The following ITGA1 variants were observed in gnomAD, a reference collection of about 807,000 sequenced individuals.
ITGA1 encodes integrin subunit alpha 1.
ITGA1 carries 85 observed loss-of-function variants against 145.9 expected under a neutral mutation model. The observed-to-expected ratio is 0.58, with a 90% CI of 0.49 to 0.70. The LOEUF is 0.70. Among genes scored for constraint, ITGA1 ranks in the 30% least tolerant of loss-of-function variants. ITGA1 has a pLI of 0.00. For synonymous variants in ITGA1, 520 were observed against 495.3 expected, an observed-to-expected ratio of 1.05 and a Z score of -0.66; for missense variants, 1,351 against 1,418.7, an observed-to-expected ratio of 0.95 and a Z score of 0.77.
chr5:52,882,057 T>A, intron 7 of ITGA1, 36 bp downstream of exon 7: 3 of 1,491,280 alleles, frequency 2.0e-6, no homozygotes, highest in Non-Finnish European at 2.7e-6. Flanking sequence ...AGTAAAAGAC[T>A]GCAAAAATAA....
intron 6 of ITGA1, among the ~76,000 whole-genome samples, chr5:52,880,622 G>A (rs1006103034): frequency 6.6e-6 from 1 of 152,178 alleles, no homozygotes; most frequent in Non-Finnish European, 1.5e-5. Flanking sequence ...AATAAGGTTA[G>A]ACTAAGAAAT....
rs1751298622 is a variant in ITGA1 at position 52,956,051 on chromosome 5, A to C, written c.*3600A>C. 1 of 151,984 alleles carries C rather than the reference A, an allele frequency of 6.6e-6. No individual in the cohort carries two copies. Among genetic ancestry groups the C allele is most frequent in the African/African-American group, 2.4e-5 (1 of 41,352 alleles). The allele number at this position is 151,984 out of a possible 1,614,324, so 9.4% of individuals were successfully genotyped here. Reference sequence around the variant, plus strand: ...CTAGGCTCAATTGGAAAATGGAAATATTTGCACCAAAAGAAAAAAGTGCCA... The same window carrying C: ...CTAGGCTCAATTGGAAAATGGAAATCTTTGCACCAAAAGAAAAAAGTGCCA... On this transcript the variant is annotated 3_prime_UTR_variant, in exon 29 of 29. Transcript: ENST00000282588.
chr5:52,945,290 C>T (rs556441445), intron 27 of ITGA1, among the ~76,000 whole-genome samples: 15 of 152,086 alleles, frequency 9.9e-5, no homozygotes, highest in African/African-American at 1.9e-4. Flanking sequence ...ATAACTATCA[C>T]GGTAAATGGA....
In ITGA1 at chr5:52,793,201, C is replaced by T. The variant is rs576324214; in HGVS notation, c.61+4787C>T. Among the ~76,000 whole-genome samples the T allele has an allele frequency of 3.9e-5, 6 of 152,178 alleles. No individual in the cohort carries two copies. In the South Asian group the frequency reaches 1.2e-3, roughly 32 times the overall value. Reference sequence around the variant, plus strand: ...ACTATCTAATTGCCTGTCTTTCCAGCTTGCTGTATGCTCTGTGAGGGTAGG... The same window carrying T: ...ACTATCTAATTGCCTGTCTTTCCAGTTTGCTGTATGCTCTGTGAGGGTAGG... On this transcript the variant is annotated intron_variant, in intron 1 of 28. Coordinates refer to ENST00000282588, the MANE Select transcript of ITGA1 (RefSeq NM_181501.2).
At position 52,861,475 on chromosome 5, in the gene ITGA1, C is replaced by A; in HGVS notation, c.211C>A (p.Gln71Lys). The change falls in exon 3 of 29, where the codon CAA becomes AAA. Residue 71 changes from glutamine to lysine, a missense_variant. Coordinates refer to ENST00000282588, the MANE Select transcript of ITGA1 (RefSeq NM_181501.2). ...WVLIGSPLVG[Q>K]PKNRTGDVYK... is the part of the protein sequence containing the mutation. ...GCTTATTGGTTCTCCGTTAGTTGGC[C>A]AACCCAAAAACAGAACTGGAGATGT... is the stretch of plus-strand genomic sequence containing the variant. 1 of 1,613,328 alleles carries A rather than the reference C, an allele frequency of 6.2e-7. No homozygotes were observed. The highest frequency in any genetic ancestry group is 8.5e-7 in the Non-Finnish European group (1 of 1,179,596).
At chr5:52,862,413 A>T (rs957842409) in intron 3 of ITGA1, among the ~76,000 whole-genome samples, 2 of 152,168 alleles carry the variant, frequency 1.3e-5, no homozygotes. Flanking sequence ...AGATTGACAT[A>T]GAATGCCATT....
chr5:52,820,289 C>A (rs2111702236), intron 1 of ITGA1, among the ~76,000 whole-genome samples: 1 of 143,502 alleles, frequency 7.0e-6, no homozygotes, highest in South Asian at 2.2e-4. Flanking sequence ...AACCAAACAC[C>A]ACATGTTCTC....
intron 26 of ITGA1, among the ~76,000 whole-genome samples, chr5:52,941,733 TTACTC>T (rs1189191489): frequency 2.0e-5 from 3 of 152,228 alleles, no homozygotes; most frequent in Non-Finnish European, 4.4e-5. Context: ...GGTTGTCTGT[TTACTC>T]TATTGATAAT....
intron 9 of ITGA1, among the ~76,000 whole-genome samples, chr5:52,894,959 G>A (rs547459535): frequency 6.6e-6 from 1 of 152,118 alleles, no homozygotes; most frequent in African/African-American, 2.4e-5. Flanking sequence ...TGTGACTCAC[G>A]ATAATAACTA....
rs1403872603 is a variant in ITGA1 at position 52,952,456 on chromosome 5, T to C, written c.*5T>C. 1 of 1,326,636 alleles carries C rather than the reference T, an allele frequency of 7.5e-7. No individual in the cohort carries two copies. The highest frequency in any genetic ancestry group is 1.0e-6 in the Non-Finnish European group (1 of 955,000). The allele number at this position is 1,326,636 out of a possible 1,614,324, so 82.2% of individuals were successfully genotyped here. Reference sequence around the variant, plus strand: ...AAAAAGAAAATGGAGAAATGAAATATTTTATGAAAGAAAATAATAACAATT... The same window carrying C: ...AAAAAGAAAATGGAGAAATGAAATACTTTATGAAAGAAAATAATAACAATT... On this transcript the variant is annotated 3_prime_UTR_variant, in exon 29 of 29. Coordinates refer to ENST00000282588, the MANE Select transcript of ITGA1 (RefSeq NM_181501.2).
intron 1 of ITGA1, among the ~76,000 whole-genome samples, chr5:52,848,823 C>T (rs949362774): frequency 6.6e-6 from 1 of 150,560 alleles, no homozygotes; most frequent in African/African-American, 2.4e-5. Flanking sequence ...TGAGAACATG[C>T]GGTGTTTGGT....
In ITGA1 at chr5:52,787,942, T is replaced by G; in HGVS notation, c.-412T>G. On this transcript the variant is annotated 5_prime_UTR_variant, in exon 1 of 29. Coordinates refer to ENST00000282588, the MANE Select transcript of ITGA1 (RefSeq NM_181501.2). ...CCCGCCTTCCTACCACCTTAGGGGA[T>G]TTGGCCCGGAGAACGAGATCACCCT... 1 of 165,336 alleles carries G rather than the reference T, an allele frequency of 6.0e-6. No individual in the cohort carries two copies. Among genetic ancestry groups the G allele is most frequent in the Non-Finnish European group, 1.3e-5 (1 of 76,952 alleles). The allele number at this position is 165,336 out of a possible 1,614,324, so 10.2% of individuals were successfully genotyped here.
chr5:52,922,746 C>A (rs750065288), intron 17 of ITGA1, 31 bp from the exon 18 acceptor site: 6 of 1,330,122 alleles, frequency 4.5e-6, no homozygotes, highest in Non-Finnish European at 5.4e-6. Context: ...AAATATGATA[C>A]CAGTGATATA....
rs185232309 is a variant in ITGA1, at chr5:52,832,896, A to G, written c.62-16469A>G. On this transcript the variant is annotated intron_variant, in intron 1 of 28. Transcript: ENST00000282588. Reference sequence around the variant, plus strand: ...TTATTTCATTTTGTTAAGCCATCAAAAGCTTTGAGATTGGGCTGGGCATGA... The same window carrying G: ...TTATTTCATTTTGTTAAGCCATCAAGAGCTTTGAGATTGGGCTGGGCATGA... 1.9e-3 allele frequency among the ~76,000 whole-genome samples: 289 copies of G among 151,528 alleles called. 5 individuals carry two copies. Among genetic ancestry groups the G allele is most frequent in the African/African-American group, 6.8e-3 (281 of 41,312 alleles).
intron 23 of ITGA1, 127 bp from the exon 24 acceptor site, chr5:52,937,274 T>C: frequency 1.5e-6 from 1 of 677,846 alleles, no homozygotes; most frequent in Non-Finnish European, 2.6e-6. Flanking sequence ...ATAAAGGATC[T>C]ACATTTGTTT....
rs200529692 is a variant in ITGA1, at chr5:52,915,443, C to CT, written c.1858-13dup. On this transcript the variant is annotated intron_variant, in intron 14 of 28. Coordinates refer to ENST00000282588, the MANE Select transcript of ITGA1 (RefSeq NM_181501.2). ...GAACAGACTCTTCTCATATGAAACT[C>CT]TTTTTTTTGGATTCTCACAGCGTAT... 2,615 of 1,606,988 alleles carry CT rather than the reference C, an allele frequency of 1.6e-3. 19 individuals carry two copies. The East Asian group carries it at 0.022, about 13-fold the overall frequency.
intron 1 of ITGA1, among the ~76,000 whole-genome samples, chr5:52,794,662 AC>A (rs1304426242): frequency 1.3e-5 from 2 of 151,386 alleles, no homozygotes; most frequent in Non-Finnish European, 1.5e-5. Context: ...AAAAAAAAAA[AC>A]AAATAAAACA....
chr5:52,897,356 G>C, intron 9 of ITGA1, 99 bp from the exon 10 acceptor site: 4 of 799,888 alleles, frequency 5.0e-6, no homozygotes, highest in Non-Finnish European at 8.1e-6. Context: ...GTTCTGGTTG[G>C]TAAGACCACA....
At position 52,844,180 on chromosome 5, in the gene ITGA1, T is replaced by C. The variant is rs779661866; in HGVS notation, c.62-5185T>C. On this transcript the variant is annotated intron_variant, in intron 1 of 28. Transcript: ENST00000282588. ...AACCATATTTGAATGGGAGCAAGTC[T>C]TTTCATTTCTTTTCTACTTGGACCT... 5.6e-4 allele frequency among the ~76,000 whole-genome samples: 86 copies of C among 152,276 alleles called. 1 individual carries two copies. The highest frequency in any genetic ancestry group is 2.9e-5 in the Non-Finnish European group (2 of 68,022).
Sources: gnomAD v4.1 joint callset for allele counts (sites outside exome capture counted in the v4.1 genomes callset) on GRCh38, gnomAD v4.1.1 for gene constraint, MANE v1.5 for transcripts, NCBI Gene and HGNC (gene_info 2026-07-23, HGNC 2026-07-21) for gene names.